ANKRD30A: variants seen among roughly 807,000 people sequenced by gnomAD.
ANKRD30A encodes the protein ankyrin repeat domain-containing protein 30A.
Under a neutral mutation model 166.3 loss-of-function variants are expected in ANKRD30A, and 170 were observed. That is an observed-to-expected ratio of 1.02 (90% CI 0.90 to 1.16). The LOEUF (loss-of-function observed/expected upper bound fraction) is 1.16. ANKRD30A is among the 50% of genes most tolerant of loss of function. The probability of loss-of-function intolerance (pLI) is 0.00; values close to 1 mark genes in which losing one functional copy is unlikely to be tolerated. For missense variants in ANKRD30A, 1,630 were observed against 1,518.0 expected (o/e 1.07, Z -1.23); for synonymous variants, 564 against 508.9 (o/e 1.11, Z -1.46).
At chr10:37,238,385 G>A in the ANKRD30A span, among the ~76,000 whole-genome samples, 1 of 152,118 alleles carries the variant, frequency 6.6e-6, no homozygotes, top group South Asian at 2.1e-4. Flanking sequence ...TGCACAATGT[G>A]CAGGTTTGTT....
chr10:37,126,901 G>T (rs139588050), intron 1 of ANKRD30A, among the ~76,000 whole-genome samples: 2 of 151,684 alleles, frequency 1.3e-5, no homozygotes, highest in Admixed American at 1.3e-4. Context: ...ACAAAAATTA[G>T]CCGGGCATGA....
At chr10:37,197,734 G>C (rs571723391) in intron 29 of ANKRD30A, among the ~76,000 whole-genome samples, 118 of 151,910 alleles carry the variant, frequency 7.8e-4, no homozygotes, top group African/African-American at 2.8e-3. Flanking sequence ...TTTCTATTTT[G>C]AACTTCTGTA....
intron 1 of ANKRD30A, among the ~76,000 whole-genome samples, chr10:37,129,305 G>T (rs1378016864): frequency 6.6e-6 from 1 of 152,068 alleles, no homozygotes; most frequent in Non-Finnish European, 1.5e-5. Context: ...ACTATAAGTG[G>T]CATTTCAATG....
the ANKRD30A span, among the ~76,000 whole-genome samples, chr10:37,262,118 T>A: frequency 6.6e-6 from 1 of 152,212 alleles, no homozygotes; most frequent in Non-Finnish European, 1.5e-5. Context: ...TTATACAAAG[T>A]CAGAGTTTCT....
chr10:37,161,437 G>GT (rs999503557), intron 15 of ANKRD30A, among the ~76,000 whole-genome samples: 50 of 151,684 alleles, frequency 3.3e-4, no homozygotes, highest in African/African-American at 9.2e-4. Flanking sequence ...AGAGTTAGAG[G>GT]TTTTTTTTTA....
the ANKRD30A span, among the ~76,000 whole-genome samples, chr10:37,253,642 T>C: frequency 3.4e-5 from 5 of 147,050 alleles, no homozygotes; most frequent in East Asian, 9.8e-4. Context: ...TATAAGGTTT[T>C]CTTTTTCTTT....
intron 5 of ANKRD30A, chr10:37,135,213 C>T (rs957348726): frequency 1.3e-5 from 2 of 152,112 alleles, no homozygotes; most frequent in Non-Finnish European, 2.9e-5. Flanking sequence ...ATTGATCAGT[C>T]TTCAGGTATA....
chr10:37,261,722 G>T, the ANKRD30A span: 4 of 152,130 alleles, frequency 2.6e-5, no homozygotes, highest in Admixed American at 2.6e-4. Context: ...ACAAAATTAG[G>T]CATTAGAATC....
At chr10:37,210,574 C>G (rs552794181) in intron 31 of ANKRD30A, among the ~76,000 whole-genome samples, 1 of 152,134 alleles carries the variant, frequency 6.6e-6, no homozygotes, top group Non-Finnish European at 1.5e-5. Context: ...CTAATTTTCA[C>G]TCCCACCAAC....
intron 5 of ANKRD30A, among the ~76,000 whole-genome samples, chr10:37,134,778 A>G (rs1005003699): frequency 5.9e-5 from 9 of 152,196 alleles, no homozygotes; most frequent in Admixed American, 2.0e-4. Context: ...CCTTCAGGGT[A>G]AGTTATCCTT....
intron 34 of ANKRD30A, among the ~76,000 whole-genome samples, chr10:37,229,917 C>G (rs1050449388): frequency 6.6e-6 from 1 of 151,850 alleles, no homozygotes; most frequent in African/African-American, 2.4e-5. Flanking sequence ...GTATTCGTCA[C>G]CTCAAGCTTT....
chr10:37,217,141 G>C lies in ANKRD30A; in HGVS notation c.3084-554G>C, dbSNP rs144132365. On this transcript the variant is annotated intron_variant, in intron 32 of 35. Transcript: ENST00000361713. Reference sequence around the variant, plus strand: ...TAATAATCAACAAGGTACGTTTAAAGCATTACTCAAAAAAGAAACAAAAGG... The same window carrying C: ...TAATAATCAACAAGGTACGTTTAAACCATTACTCAAAAAAGAAACAAAAGG... Among the ~76,000 whole-genome samples, 1,031 of 150,820 alleles carry C rather than the reference G, an allele frequency of 6.8e-3. 9 individuals are homozygous for C. The highest frequency in any genetic ancestry group is 0.023 in the African/African-American group (972 of 41,364).
In ANKRD30A at chr10:37,149,640, T is replaced by C. The variant is rs745544497; in HGVS notation, c.1544-11T>C. 3.7e-6 allele frequency: 6 copies of C among 1,611,172 alleles called. No homozygotes were observed. The South Asian group carries it at 5.5e-5, about 15-fold the overall frequency. ...ACTTATGATTGATGATAAATCTCTT[T>C]TGCTTTTTAGAGCCTCCTAAGAAGC... On this transcript the variant is annotated splice_polypyrimidine_tract_variant and intron_variant, in intron 9 of 35. Coordinates refer to ENST00000361713, the MANE Select transcript of ANKRD30A (RefSeq NM_052997.3).
intron 12 of ANKRD30A, among the ~76,000 whole-genome samples, chr10:37,153,002 C>T (rs1838069617): frequency 6.6e-6 from 1 of 152,096 alleles, no homozygotes; most frequent in Admixed American, 6.6e-5. Flanking sequence ...CTTTTTCTAT[C>T]ACCATAAATT....
At chr10:37,150,333 T>C (rs1837831852) in intron 11 of ANKRD30A, among the ~76,000 whole-genome samples, 1 of 152,064 alleles carries the variant, frequency 6.6e-6, no homozygotes, top group Non-Finnish European at 1.5e-5. Flanking sequence ...TGTGTGTGTG[T>C]GTCTGCGTGT....
chr10:37,201,395 C>T (rs1030027302), intron 31 of ANKRD30A, 70 bp downstream of exon 31: 2 of 1,190,668 alleles, frequency 1.7e-6, no homozygotes, highest in Non-Finnish European at 2.3e-6. Flanking sequence ...GAAGGATATG[C>T]TCTAATAGCT....
At chr10:37,234,598 A>G (rs1469718306), downstream of ANKRD30A, among the ~76,000 whole-genome samples, 1 of 152,034 alleles carries the variant, frequency 6.6e-6, no homozygotes, top group East Asian at 1.9e-4. Context: ...CCCTCCAAAA[A>G]TTGTATTATT....
rs1835977519 is a variant in ANKRD30A at position 37,125,967 on chromosome 10, G to T, written c.180G>T (p.Arg60Ser). The change falls in exon 1 of 36, where the codon AGG (arginine) becomes AGT (serine). Residue 60 changes from arginine to serine, a missense_variant. Around this residue, in one of 4 missense-constraint regions of ANKRD30A, gnomAD observed 904 missense variants for 818.5 expected, o/e 1.10. Coordinates refer to ENST00000361713, the MANE Select transcript of ANKRD30A (RefSeq NM_052997.3). ...QVRKLEKMTKRKKTINLNIQD... is the reference protein window; with the variant it reads ...QVRKLEKMTKSKKTINLNIQD... ...GGAAGCTGGAGAAGATGACAAAGAG[G>T]AAGAAGACCATCAACCTTAATATAC... 6.2e-7 allele frequency: 1 copy of T among 1,608,046 alleles called. No individual in the cohort carries two copies. Among genetic ancestry groups the T allele is most frequent in the Non-Finnish European group, 8.5e-7 (1 of 1,177,566 alleles).
At chr10:37,167,493 G>A (rs1313440188) in intron 19 of ANKRD30A, among the ~76,000 whole-genome samples, 1 of 151,488 alleles carries the variant, frequency 6.6e-6, no homozygotes, top group Non-Finnish European at 1.5e-5. Flanking sequence ...CTGAATTTAT[G>A]ACTTGAATAC....
Sources: allele counts gnomAD v4.1 joint callset (sites outside exome capture counted in the v4.1 genomes callset), GRCh38; gene constraint gnomAD v4.1.1; regional missense constraint gnomAD v4.1.1; transcripts MANE v1.5; gene names NCBI Gene and HGNC (gene_info 2026-07-23, HGNC 2026-07-21).